Variants in ATAD2B observed in about 807,000 individuals in gnomAD.
ATAD2B encodes ATPase family AAA domain containing 2B.
A neutral mutation model predicts 167.6 loss-of-function variants in ATAD2B; 40 were observed. The ratio of observed to expected loss-of-function variants is 0.24; its 90% CI spans 0.19 to 0.31. ATAD2B has a LOEUF of 0.31. ATAD2B is among the 10% of genes least tolerant of loss of function. The pLI is 1.00. For synonymous variants in ATAD2B, 579 were observed against 596.5 expected, an observed-to-expected ratio of 0.97 and a Z score of 0.43; for missense variants, 1,242 against 1,757.2, an observed-to-expected ratio of 0.71 and a Z score of 5.24.
chr2:23,741,651 G>T, the ATAD2B span, among the ~76,000 whole-genome samples: 48 of 151,986 alleles, frequency 3.2e-4, no homozygotes, highest in East Asian at 9.7e-4. Context: ...GGGCAAGGAC[G>T]TCATGTCTAA....
At chr2:23,770,024 G>A (rs1678073488) in intron 22 of ATAD2B, among the ~76,000 whole-genome samples, 1 of 151,628 alleles carries the variant, frequency 6.6e-6, no homozygotes, top group South Asian at 2.1e-4. Flanking sequence ...AGATTAATGA[G>A]GTTGACCGGA....
intron 13 of ATAD2B, among the ~76,000 whole-genome samples, chr2:23,852,258 C>G (rs1195984870): frequency 6.6e-6 from 1 of 152,058 alleles, no homozygotes; most frequent in African/African-American, 2.4e-5. Context: ...TACACAAACA[C>G]TTTCAGAAAA....
At chr2:23,850,133 C>T (rs1307849901) in intron 13 of ATAD2B, among the ~76,000 whole-genome samples, 5 of 134,260 alleles carry the variant, frequency 3.7e-5, no homozygotes, top group South Asian at 2.3e-4. Flanking sequence ...AGCAAGACTC[C>T]GTCTCAAAAA....
intron 1 of ATAD2B, among the ~76,000 whole-genome samples, chr2:23,904,434 A>C (rs1701222682): frequency 1.3e-5 from 2 of 152,096 alleles, no homozygotes; most frequent in African/African-American, 2.4e-5. Flanking sequence ...TAATGGAGCA[A>C]GTGGTGAGCA....
chr2:23,915,507 G>T (rs1238799761), intron 1 of ATAD2B, among the ~76,000 whole-genome samples: 1 of 150,202 alleles, frequency 6.7e-6, no homozygotes, highest in Non-Finnish European at 1.5e-5. Flanking sequence ...GTCCAGGCTG[G>T]ACTCAAGCCA....
chr2:23,709,345 G>A, the ATAD2B span, among the ~76,000 whole-genome samples: 4 of 152,178 alleles, frequency 2.6e-5, no homozygotes, highest in Non-Finnish European at 5.9e-5. Flanking sequence ...CCCAGCCAGG[G>A]TGATTTCTAT....
chr2:23,706,847 C>CG, the ATAD2B span: 1 of 522,062 alleles, frequency 1.9e-6, no homozygotes, highest in Non-Finnish European at 3.2e-6. Flanking sequence ...TTGGATGAAA[C>CG]GGAGGCACCG....
chr2:23,849,155 A>G (rs1379501483), intron 13 of ATAD2B, among the ~76,000 whole-genome samples: 1 of 152,216 alleles, frequency 6.6e-6, no homozygotes, highest in South Asian at 2.1e-4. Flanking sequence ...AACATTGACT[A>G]AACAGTCAAA....
At chr2:23,736,717 C>A in the ATAD2B span, among the ~76,000 whole-genome samples, 4 of 152,144 alleles carry the variant, frequency 2.6e-5, no homozygotes, top group Non-Finnish European at 4.4e-5. Flanking sequence ...GTGCAGCCTA[C>A]CGTGCGCGAG....
chr2:23,873,894 A>G (rs1696379939), intron 8 of ATAD2B, among the ~76,000 whole-genome samples: 3 of 152,226 alleles, frequency 2.0e-5, no homozygotes, highest in Admixed American at 2.0e-4. Flanking sequence ...AAAAGCCAAA[A>G]TCCTAGTTGG....
chr2:23,802,232 TAATA>T (rs772238243), intron 18 of ATAD2B, among the ~76,000 whole-genome samples: 6 of 152,028 alleles, frequency 3.9e-5, no homozygotes, highest in Non-Finnish European at 7.4e-5. Flanking sequence ...TAAAAGGCAC[TAATA>T]AATAAGTTTA....
chr2:23,915,155 C>T (rs1422929465), intron 1 of ATAD2B, among the ~76,000 whole-genome samples: 1 of 152,022 alleles, frequency 6.6e-6, no homozygotes, highest in Non-Finnish European at 1.5e-5. Context: ...TACAGAGTTA[C>T]TACATGGATG....
intron 1 of ATAD2B, among the ~76,000 whole-genome samples, chr2:23,914,863 T>C: frequency 6.6e-6 from 1 of 151,008 alleles, no homozygotes; most frequent in Admixed American, 6.6e-5. Flanking sequence ...AAAAGAACTC[T>C]CATACACTAT....
intron 2 of ATAD2B, among the ~76,000 whole-genome samples, chr2:23,894,645 T>TA (rs1186450318): frequency 6.6e-6 from 1 of 152,196 alleles, no homozygotes; most frequent in Non-Finnish European, 1.5e-5. Context: ...ATCTAGAAGA[T>TA]ATTTGATTCA....
the ATAD2B span, chr2:23,706,451 C>CCTAA: frequency 0.06 from 85,643 of 1,435,580 alleles, 2,938 homozygotes; most frequent in Middle Eastern, 0.067. Context: ...AAGTGAAATG[C>CCTAA]CTAACTCTGT....
chr2:23,913,641 A>G (rs150992769), intron 1 of ATAD2B, among the ~76,000 whole-genome samples: 4,382 of 103,412 alleles, frequency 0.042, 86 homozygotes, highest in South Asian at 0.11. Flanking sequence ...CTCTCTTGAG[A>G]AAAAAAAAAA....
At chr2:23,825,932 G>C (rs1688181917) in intron 15 of ATAD2B, among the ~76,000 whole-genome samples, 1 of 152,106 alleles carries the variant, frequency 6.6e-6, no homozygotes, top group African/African-American at 2.4e-5. Flanking sequence ...ACAAAGAAAT[G>C]ATCAATAGAC....
At chr2:23,865,942 C>T in intron 10 of ATAD2B, 3 of 962,458 alleles carry the variant, frequency 3.1e-6, no homozygotes, top group Non-Finnish European at 3.7e-6. Flanking sequence ...ACTGTGACTG[C>T]CTCTTCCCTG....
chr2:23,719,458 C>T, the ATAD2B span, among the ~76,000 whole-genome samples: 2 of 152,096 alleles, frequency 1.3e-5, no homozygotes, highest in African/African-American at 4.8e-5. Flanking sequence ...TGTTTCACTT[C>T]CCCCACTCCA....
Sources: allele counts gnomAD v4.1 joint callset (sites outside exome capture counted in the v4.1 genomes callset), GRCh38; gene constraint gnomAD v4.1.1; transcripts MANE v1.5; gene names NCBI Gene and HGNC (gene_info 2026-07-23, HGNC 2026-07-21).